Variants in TSBP1 observed in about 807,000 individuals in gnomAD.
TSBP1 encodes testis-expressed basic protein 1.
TSBP1 carries 56 observed loss-of-function variants against 68.8 expected under a neutral mutation model. The ratio of observed to expected loss-of-function variants is 0.81; its 90% CI spans 0.66 to 1.02. TSBP1 has a LOEUF of 1.02. Ranked by LOEUF, TSBP1 falls within the 50% of genes least tolerant of loss-of-function variation. TSBP1 has a pLI of 0.00. For synonymous variants in TSBP1, 171 were observed against 208.7 expected (o/e 0.82, Z 1.56); for missense variants, 502 against 641.2 (o/e 0.78, Z 2.34).
chr6:32,301,709 TAAAA>T (rs5875351), intron 20 of TSBP1, among the ~76,000 whole-genome samples: 4,055 of 144,306 alleles, frequency 0.028, 66 homozygotes, highest in South Asian at 0.04. Flanking sequence ...AACGCTGTTT[TAAAA>T]AAAAAAAAAA....
Position 32,316,256 on chromosome 6 carries a change from T to A in TSBP1, c.560-464A>T. On this transcript the variant is annotated intron_variant, in intron 18 of 22. Transcript: ENST00000612031. The surrounding 1 kb of genome is among the most constrained non-coding windows in gnomAD (Gnocchi z 4.5). ...CTTAGTCCCTCTTTTAATTAGTGTT[T>A]AAAAAGATTCTCTGTAATATAGACC... 1 of 635,716 alleles carries A rather than the reference T, an allele frequency of 1.6e-6. No homozygotes were observed. The highest frequency in any genetic ancestry group is 2.7e-6 in the Non-Finnish European group (1 of 372,696). 39.4% of individuals were successfully genotyped at this position (635,716 alleles called of 1,614,324 possible).
intron 15 of TSBP1, 26 bp from the exon 17 acceptor site, chr6:32,330,635 A>AACACAC (rs9279582): frequency 0.031 from 34,733 of 1,127,930 alleles, 447 homozygotes; most frequent in South Asian, 0.066. Context: ...AAACAAATTA[A>AACACAC]ACACACACAC....
chr6:32,369,307 T>C (rs1270812313), intron 2 of TSBP1, among the ~76,000 whole-genome samples: 5 of 151,262 alleles, frequency 3.3e-5, no homozygotes, highest in Non-Finnish European at 7.4e-5. Flanking sequence ...TAAACTCAGG[T>C]AATTTCCCTT....
intron 19 of TSBP1, among the ~76,000 whole-genome samples, chr6:32,310,271 T>G (rs925126018): frequency 3.7e-4 from 57 of 152,174 alleles, no homozygotes; most frequent in African/African-American, 1.4e-3. Context: ...TGTGTGTATA[T>G]ATCTGTCTGT....
rs117657826 is a variant in TSBP1 at position 32,341,422 on chromosome 6, T to C, written c.350-1784A>G. 6.7e-3 allele frequency among the ~76,000 whole-genome samples: 1,019 copies of C among 152,260 alleles called. 18 individuals are homozygous for C. The highest frequency in any genetic ancestry group is 0.019 in the East Asian group (101 of 5,180). ...TTAAGGGGCCCAGCAGGTCTCATGA[T>C]TGTGAATCTGCTAGTTATAAGGGAT... On this transcript the variant is annotated intron_variant, in intron 9 of 22. Transcript: ENST00000612031.
rs1037157323 is a variant in TSBP1 at position 32,338,971 on chromosome 6, G to A, written c.409+8C>T. On this transcript the variant is annotated splice_region_variant and intron_variant, in intron 11 of 22. Transcript: ENST00000612031. The surrounding 1 kb of genome is among the most constrained non-coding windows in gnomAD (Gnocchi z 5.5). ...ACATGAGAATTAAAGGGCAGAAAAA[G>A]AACTTACTCATGGCTCCTGCAGTTC... 6.2e-6 allele frequency: 10 copies of A among 1,609,346 alleles called. No individual in the cohort carries two copies. In the Admixed American group the frequency reaches 8.3e-5, roughly 13 times the overall value.
At chr6:32,362,796 T>C (rs1004157090) in intron 6 of TSBP1, among the ~76,000 whole-genome samples, 6 of 152,342 alleles carry the variant, frequency 3.9e-5, no homozygotes, top group Admixed American at 3.3e-4. Context: ...CTTCAATCCA[T>C]TTTGAATTGA....
rs755780003 is a variant in TSBP1 at position 32,349,779 on chromosome 6, AAAG to A, written c.307_309del (p.Leu104del). The A allele has an allele frequency of 6.2e-7, 1 of 1,610,400 alleles. No individual in the cohort carries two copies. The highest frequency in any genetic ancestry group is 8.5e-7 in the Non-Finnish European group (1 of 1,177,646). On this transcript the variant is annotated inframe_deletion, in exon 9 of 23. Transcript: ENST00000612031. ...GACAGTGCTAAAATAAAACACATCA[AAAG>A]AAGAATGAGTTCTGTTTGTCCCAGG... is the stretch of plus-strand genomic sequence containing the variant.
chr6:32,295,922 G>A (rs1051300790), intron 22 of TSBP1, among the ~76,000 whole-genome samples: 1 of 145,128 alleles, frequency 6.9e-6, no homozygotes, highest in South Asian at 2.2e-4. Flanking sequence ...TCGGCTCACC[G>A]CAACCTTTGC....
At chr6:32,301,309 G>A (rs1412043541) in intron 20 of TSBP1, among the ~76,000 whole-genome samples, 2 of 152,238 alleles carry the variant, frequency 1.3e-5, no homozygotes, top group East Asian at 1.9e-4. Context: ...GATTACAGGT[G>A]TAAGCCACCA....
Position 32,325,348 on chromosome 6 carries a change from G to A in TSBP1, c.515-1734C>T. On this transcript the variant is annotated intron_variant, in intron 16 of 22. Transcript: ENST00000612031. The surrounding 1 kb of genome is among the most constrained non-coding windows in gnomAD (Gnocchi z 4.4). ...GCAGTGAGGGACACTCCCGGACAGTGTGGTCATGAGAGATCCAAACCCAAG... is the reference window on the plus strand; with the variant it reads ...GCAGTGAGGGACACTCCCGGACAGTATGGTCATGAGAGATCCAAACCCAAG... 9.8e-7 allele frequency: 1 copy of A among 1,025,626 alleles called. No individual in the cohort carries two copies. Among genetic ancestry groups the A allele is most frequent in the Non-Finnish European group, 1.5e-6 (1 of 660,200 alleles). The allele number at this position is 1,025,626 out of a possible 1,614,324, so 63.5% of individuals were successfully genotyped here.
At chr6:32,320,099 T>G (rs513095) in intron 18 of TSBP1, 41,773 of 453,964 alleles carry the variant, frequency 0.092, 2,814 homozygotes, top group African/African-American at 0.21. Context: ...ATAGATTTCA[T>G]AACTTTTAGT....
chr6:32,331,767 G>A lies in TSBP1; in HGVS notation c.493+267C>T, dbSNP rs117900487. On this transcript the variant is annotated intron_variant, in intron 15 of 22. Transcript: ENST00000612031. ...ACCCCCAGCCTGTAAGCAGCAGTGGGCACTGGCATTAGGCTGGTTCCCCAC... is the reference window on the plus strand; with the variant it reads ...ACCCCCAGCCTGTAAGCAGCAGTGGACACTGGCATTAGGCTGGTTCCCCAC... Among the ~76,000 whole-genome samples the A allele has an allele frequency of 6.7e-3, 1,021 of 152,236 alleles. 19 individuals are homozygous for A. The highest frequency in any genetic ancestry group is 0.02 in the East Asian group (102 of 5,184).
chr6:32,347,816 C>G (rs9268286), intron 9 of TSBP1, among the ~76,000 whole-genome samples: 51,139 of 152,076 alleles, frequency 0.34, 9,671 homozygotes, highest in Middle Eastern at 0.52. Flanking sequence ...CTTCCCCTCT[C>G]AGGAACTTGG....
chr6:32,326,604 C>T (rs1171098773), intron 16 of TSBP1, among the ~76,000 whole-genome samples: 2 of 152,178 alleles, frequency 1.3e-5, no homozygotes, highest in African/African-American at 4.8e-5. Context: ...ATATGTTAGA[C>T]ACTGCTGGAG....
chr6:32,322,820 T>C (rs1053958375), intron 18 of TSBP1, among the ~76,000 whole-genome samples: 3 of 152,180 alleles, frequency 2.0e-5, no homozygotes, highest in Admixed American at 1.3e-4. Context: ...ACTATAATGT[T>C]TGAAAGAACA....
At chr6:32,369,964 G>C in exon 2 of TSBP1, 1 of 1,611,850 alleles carries the variant, frequency 6.2e-7, no homozygotes, top group Non-Finnish European at 8.5e-7. Context: ...GTAGAGTCAG[G>C]ATGACAGCCA....
At chr6:32,368,948 C>A in intron 2 of TSBP1, 134 bp from the exon 3 acceptor site, 1 of 1,071,294 alleles carries the variant, frequency 9.3e-7, no homozygotes, top group South Asian at 2.1e-5. Context: ...CATTGTTGTT[C>A]TCACCCATTT....
intron 8 of TSBP1, among the ~76,000 whole-genome samples, chr6:32,354,800 T>C (rs924813877): frequency 2.0e-5 from 3 of 152,120 alleles, no homozygotes; most frequent in Non-Finnish European, 4.4e-5. Flanking sequence ...ATCAGACAGA[T>C]GCCATTTTAG....
Sources: allele counts gnomAD v4.1 joint callset (sites outside exome capture counted in the v4.1 genomes callset), GRCh38; gene constraint gnomAD v4.1.1; non-coding constraint Gnocchi (gnomAD v3.1); transcripts MANE v1.5; gene names NCBI Gene and HGNC (gene_info 2026-07-23, HGNC 2026-07-21).